The following EPS15L1 variants were observed in gnomAD, a reference collection of about 807,000 sequenced individuals.
EPS15L1 encodes epidermal growth factor receptor substrate 15-like 1.
A neutral mutation model predicts 117.1 loss-of-function variants in EPS15L1; 43 were observed. The ratio of observed to expected loss-of-function variants is 0.37; its 90% CI spans 0.29 to 0.47. The LOEUF is 0.47. Among genes scored for constraint, EPS15L1 ranks in the 20% least tolerant of loss-of-function variants. The probability of loss-of-function intolerance (pLI) is 0.99; values close to 1 mark genes in which losing one functional copy is unlikely to be tolerated. For synonymous variants in EPS15L1, 459 were observed against 470.5 expected, an observed-to-expected ratio of 0.98 and a Z score of 0.32; for missense variants, 981 against 1,164.0, an observed-to-expected ratio of 0.84 and a Z score of 2.29.
intron 16 of EPS15L1, chr19:16,401,129 G>A: frequency 1.0e-6 from 1 of 985,430 alleles, no homozygotes; most frequent in Non-Finnish European, 1.2e-6. Flanking sequence ...CGGGCCCGGG[G>A]GCGGCTATGG....
At position 16,374,815 on chromosome 19, in the gene EPS15L1, C is replaced by T. The variant is rs139643677; in HGVS notation, c.2380+2307G>A. On this transcript the variant is annotated intron_variant, in intron 22 of 23. Coordinates refer to ENST00000455140, the MANE Select transcript of EPS15L1 (RefSeq NM_001258374.3). The stretch of plus-strand genomic sequence containing the variant: ...GCACATGTGTGTAAATGTGTGTACA[C>T]GTATGTAAGCACAGAGTGTGCATGC... Among the ~76,000 whole-genome samples the T allele has an allele frequency of 2.7e-4, 41 of 152,332 alleles. No individual in the cohort carries two copies. In the East Asian group the frequency reaches 5.6e-3, roughly 21 times the overall value.
At chr19:16,446,204 G>A (rs1250439370) in intron 1 of EPS15L1, among the ~76,000 whole-genome samples, 1 of 152,138 alleles carries the variant, frequency 6.6e-6, no homozygotes, top group Non-Finnish European at 1.5e-5. Flanking sequence ...CAGTTGAGAT[G>A]GAGAAACCCA....
chr19:16,415,372 C>A (rs2092748586), intron 12 of EPS15L1, among the ~76,000 whole-genome samples: 1 of 152,140 alleles, frequency 6.6e-6, no homozygotes, highest in African/African-American at 2.4e-5. Flanking sequence ...TCCTCTTGTG[C>A]CCAAAGAGGC....
In EPS15L1 at chr19:16,421,416, T is replaced by G. The variant is rs868097498; in HGVS notation, c.853A>C (p.Lys285Gln). 3 of 1,614,082 alleles carry G rather than the reference T, an allele frequency of 1.9e-6. No homozygotes were observed. The Middle Eastern group carries it at 4.9e-4, about 266-fold the overall frequency. ...DKMRFDEIFL[K>Q]TDLDLDGYVS... ...TAGCCATCCAGGTCCAGGTCGGTCT[T>G]CAGGAATATCTCATCAAATCGCATC... The change falls in exon 10 of 24, where the codon AAG (lysine) becomes CAG (glutamine). Residue 285 changes from lysine to glutamine, a missense_variant. Coordinates refer to ENST00000455140, the MANE Select transcript of EPS15L1 (RefSeq NM_001258374.3).
chr19:16,395,268 C>G, intron 17 of EPS15L1, 76 bp downstream of exon 17: 3 of 1,284,412 alleles, frequency 2.3e-6, no homozygotes, highest in Non-Finnish European at 2.1e-6. Flanking sequence ...CCTTACTTTT[C>G]TAGTTGAAGA....
rs552458614 is a variant in EPS15L1, at chr19:16,413,936, C to A, written c.1194-91G>T. ...CTGATTCTGTTCACCCCCACAAAAG[C>A]CCCTCTGTGTGCTGGCAGAAGTCTA... is the stretch of plus-strand genomic sequence containing the variant. On this transcript the variant is annotated intron_variant, in intron 12 of 23. Coordinates refer to ENST00000455140, the MANE Select transcript of EPS15L1 (RefSeq NM_001258374.3). The A allele has an allele frequency of 3.2e-6, 3 of 939,026 alleles. No individual in the cohort carries two copies. The South Asian group carries it at 4.1e-5, about 13-fold the overall frequency. 58.2% of individuals were successfully genotyped at this position (939,026 alleles called of 1,614,324 possible).
chr19:16,409,073 T>G (rs1476659528), intron 13 of EPS15L1, among the ~76,000 whole-genome samples: 1 of 152,000 alleles, frequency 6.6e-6, no homozygotes, highest in Non-Finnish European at 1.5e-5. Flanking sequence ...AAAAAAATTG[T>G]TTTTGAATTA....
intron 1 of EPS15L1, among the ~76,000 whole-genome samples, chr19:16,448,605 A>T (rs1023341203): frequency 6.7e-6 from 1 of 149,220 alleles, no homozygotes; most frequent in African/African-American, 2.5e-5. Context: ...GCACATTGGG[A>T]GGCCAAGGTA....
Position 16,437,418 on chromosome 19 carries a change from G to A in EPS15L1, c.309+352C>T, listed in dbSNP as rs181343127. Among the ~76,000 whole-genome samples the A allele has an allele frequency of 9.0e-4, 137 of 152,270 alleles. 1 individual carries two copies. The highest frequency in any genetic ancestry group is 3.2e-3 in the African/African-American group (135 of 41,540). On this transcript the variant is annotated intron_variant, in intron 5 of 23. Coordinates refer to ENST00000455140, the MANE Select transcript of EPS15L1 (RefSeq NM_001258374.3). ...ACCATGTTAGAGAATTCCATTGATA[G>A]GAAATGTCCAGAACAGGCAAATCCA... is the stretch of plus-strand genomic sequence containing the variant.
chr19:16,432,004 G>A (rs76746645), intron 7 of EPS15L1, among the ~76,000 whole-genome samples: 1 of 152,170 alleles, frequency 6.6e-6, no homozygotes, highest in East Asian at 1.9e-4. Flanking sequence ...GCCGACTTTT[G>A]TATGTGCAGG....
At position 16,383,098 on chromosome 19, in the gene EPS15L1, C is replaced by CGGCT. The variant is rs2092380364; in HGVS notation, c.2247+2027_2247+2030dup. 6.6e-6 allele frequency: 1 copy of CGGCT among 152,142 alleles called. No individual in the cohort carries two copies. Among genetic ancestry groups the CGGCT allele is most frequent in the African/African-American group, 2.4e-5 (1 of 41,404 alleles). 9.4% of individuals were successfully genotyped at this position (152,142 alleles called of 1,614,324 possible). A position where few individuals can be genotyped will look rare whatever the true frequency, so the allele number is the denominator to read the frequency against. On this transcript the variant is annotated intron_variant, in intron 21 of 23. Transcript: ENST00000455140. This position sits in a 1 kb window ranked among gnomAD's most constrained non-coding sequence, Gnocchi z 5.2. Reference sequence around the variant, plus strand: ...CAAGGTCAGGGTTGAGCTCAGAATGCGGCTGTACAAGTGTCATGAAGGCAG... The same window carrying CGGCT: ...CAAGGTCAGGGTTGAGCTCAGAATGCGGCTGGCTGTACAAGTGTCATGAAGGCAG...
intron 1 of EPS15L1, among the ~76,000 whole-genome samples, chr19:16,460,152 G>A (rs1240541587): frequency 1.3e-5 from 2 of 152,140 alleles, no homozygotes; most frequent in African/African-American, 4.8e-5. Context: ...GTGGTGGTGT[G>A]CTGAGGAGCA....
chr19:16,406,823 C>T (rs371100910), intron 13 of EPS15L1, among the ~76,000 whole-genome samples: 4 of 152,246 alleles, frequency 2.6e-5, no homozygotes, highest in East Asian at 1.9e-4. Flanking sequence ...GGCCACATGC[C>T]GTGTACTGAA....
chr19:16,414,511 C>T (rs189154316), intron 12 of EPS15L1, among the ~76,000 whole-genome samples: 1 of 152,030 alleles, frequency 6.6e-6, no homozygotes, highest in Admixed American at 6.5e-5. Context: ...AGCGATTCTC[C>T]TGCCTCAGCC....
intron 22 of EPS15L1, among the ~76,000 whole-genome samples, chr19:16,366,635 A>G (rs911778305): frequency 6.6e-6 from 1 of 152,166 alleles, no homozygotes; most frequent in Non-Finnish European, 1.5e-5. Context: ...TTTCAGAAGG[A>G]ACATCAACAA....
chr19:16,386,164 G>A lies in EPS15L1; in HGVS notation c.2164+7C>T, dbSNP rs1375300645. 1.9e-6 allele frequency: 3 copies of A among 1,605,920 alleles called. No individual in the cohort carries two copies. Among genetic ancestry groups the A allele is most frequent in the Non-Finnish European group, 8.5e-7 (1 of 1,173,032 alleles). On this transcript the variant is annotated splice_region_variant and intron_variant, in intron 20 of 23. Transcript: ENST00000455140. The stretch of plus-strand genomic sequence containing the variant: ...AGTCAGGAAGAAAAATAAGTCATGG[G>A]TCTCACCTGATCCTTTTGAGGAGAC...
chr19:16,358,789 C>T (rs1157061925), intron 23 of EPS15L1, among the ~76,000 whole-genome samples: 2 of 152,182 alleles, frequency 1.3e-5, no homozygotes, highest in Admixed American at 6.5e-5. Flanking sequence ...ATTCATTTAC[C>T]GACAATGAAA....
chr19:16,458,876 A>G (rs2093221609), intron 1 of EPS15L1, among the ~76,000 whole-genome samples: 1 of 152,174 alleles, frequency 6.6e-6, no homozygotes, highest in Admixed American at 6.5e-5. Flanking sequence ...TGCATCGTTT[A>G]ACTACAGGGA....
At chr19:16,408,804 T>C (rs2092680859) in intron 13 of EPS15L1, among the ~76,000 whole-genome samples, 1 of 152,102 alleles carries the variant, frequency 6.6e-6, no homozygotes, top group Non-Finnish European at 1.5e-5. Context: ...TGTAGTGGCA[T>C]GAGGAGAGGC....
Sources: allele counts gnomAD v4.1 joint callset (sites outside exome capture counted in the v4.1 genomes callset), GRCh38; gene constraint gnomAD v4.1.1; non-coding constraint Gnocchi (gnomAD v3.1); transcripts MANE v1.5; gene names NCBI Gene and HGNC (gene_info 2026-07-23, HGNC 2026-07-21).